The following CRACR2A variants were observed in gnomAD, a reference collection of about 807,000 sequenced individuals.
CRACR2A encodes the protein calcium release activated channel regulator 2A.
Under a neutral mutation model 90.5 loss-of-function variants are expected in CRACR2A, and 79 were observed. The observed-to-expected ratio is 0.87, with a 90% CI of 0.73 to 1.05. CRACR2A has a LOEUF of 1.05. Ranked by LOEUF, CRACR2A falls within the 50% of genes least tolerant of loss-of-function variation. The pLI is 0.00. For synonymous variants in CRACR2A, 338 were observed against 356.7 expected (o/e 0.95, Z 0.59); for missense variants, 823 against 897.2 (o/e 0.92, Z 1.06).
intron 1 of CRACR2A, among the ~76,000 whole-genome samples, chr12:3,751,271 C>T (rs566161173): frequency 6.6e-6 from 1 of 152,226 alleles, no homozygotes; most frequent in South Asian, 2.1e-4. Context: ...TTTCCCCTAC[C>T]CCCAAGCCTT....
At chr12:3,693,077 G>A (rs1037683370) in intron 4 of CRACR2A, among the ~76,000 whole-genome samples, 7 of 152,182 alleles carry the variant, frequency 4.6e-5, no homozygotes, top group Non-Finnish European at 8.8e-5. Flanking sequence ...TGGCAGAACA[G>A]GGTGCATGCA....
intron 4 of CRACR2A, among the ~76,000 whole-genome samples, chr12:3,689,634 G>A (rs1441317432): frequency 1.3e-5 from 2 of 152,158 alleles, no homozygotes; most frequent in East Asian, 3.8e-4. Context: ...GTTCATCAAG[G>A]ATATTGGCCT....
At chr12:3,736,469 G>C (rs928689431) in intron 1 of CRACR2A, among the ~76,000 whole-genome samples, 2 of 152,132 alleles carry the variant, frequency 1.3e-5, no homozygotes, top group Admixed American at 6.5e-5. Flanking sequence ...GGACATTGGA[G>C]TGGAGGCATT....
intron 3 of CRACR2A, among the ~76,000 whole-genome samples, chr12:3,701,218 A>G (rs1945829560): frequency 6.6e-6 from 1 of 152,114 alleles, no homozygotes; most frequent in African/African-American, 2.4e-5. Flanking sequence ...AGCAGTACTA[A>G]GGAAAAAATT....
chr12:3,650,087 T>C (rs1944767602), intron 10 of CRACR2A, among the ~76,000 whole-genome samples: 1 of 152,204 alleles, frequency 6.6e-6, no homozygotes. Context: ...GTTTCCAAAC[T>C]GCAGCACAGC....
intron 17 of CRACR2A, among the ~76,000 whole-genome samples, chr12:3,624,478 T>C (rs763753681): frequency 6.6e-6 from 1 of 152,242 alleles, no homozygotes; most frequent in African/African-American, 2.4e-5. Flanking sequence ...GACTTAGCTT[T>C]TCAAGAATCT....
At chr12:3,705,365 C>T (rs935445646) in intron 3 of CRACR2A, among the ~76,000 whole-genome samples, 2 of 152,164 alleles carry the variant, frequency 1.3e-5, no homozygotes, top group Admixed American at 6.5e-5. Context: ...TCAGAAAGTT[C>T]GTAGATCAAA....
chr12:3,680,140 A>G (rs1945417726), intron 5 of CRACR2A, 98 bp downstream of exon 5: 1 of 959,760 alleles, frequency 1.0e-6, no homozygotes, highest in East Asian at 2.6e-5. Context: ...GGAAAGCTTT[A>G]CTACCTGCCC....
At chr12:3,681,662 G>T (rs1945455891) in intron 4 of CRACR2A, among the ~76,000 whole-genome samples, 1 of 152,212 alleles carries the variant, frequency 6.6e-6, no homozygotes, top group Non-Finnish European at 1.5e-5. Context: ...GGAAGTGACT[G>T]ACAGCTGAAA....
chr12:3,633,065 A>G lies in CRACR2A; in HGVS notation c.1735+539T>C, dbSNP rs1014630851. Among the ~76,000 whole-genome samples, 4 of 152,200 alleles carry G rather than the reference A, an allele frequency of 2.6e-5. No homozygotes were observed. Among genetic ancestry groups the G allele is most frequent in the Admixed American group, 6.5e-5 (1 of 15,286 alleles). ...ATAGCTGAGCCTAATGAGCTTCCACATTTAAGTCCAGCTGTCGCCCAGCAG... is the reference window on the plus strand; with the variant it reads ...ATAGCTGAGCCTAATGAGCTTCCACGTTTAAGTCCAGCTGTCGCCCAGCAG... On this transcript the variant is annotated intron_variant, in intron 15 of 19. Coordinates refer to ENST00000440314, the MANE Select transcript of CRACR2A (RefSeq NM_001144958.2). This position sits in a 1 kb window ranked among gnomAD's most constrained non-coding sequence, Gnocchi z 4.5.
chr12:3,643,856 T>TATATATAAGTA (rs1478137267), intron 12 of CRACR2A, among the ~76,000 whole-genome samples: 1 of 67,354 alleles, frequency 1.5e-5, no homozygotes, highest in South Asian at 3.8e-4. Flanking sequence ...TATTATATAT[T>TATATATAAGTA]TATATTATAT....
Position 3,633,512 on chromosome 12 carries a change from T to C in CRACR2A, c.1735+92A>G. 1 of 1,504,930 alleles carries C rather than the reference T, an allele frequency of 6.6e-7. No homozygotes were observed. The highest frequency in any genetic ancestry group is 9.0e-7 in the Non-Finnish European group (1 of 1,114,084). The allele number at this position is 1,504,930 out of a possible 1,614,324, so 93.2% of individuals were successfully genotyped here. On this transcript the variant is annotated intron_variant, in intron 15 of 19. Coordinates refer to ENST00000440314, the MANE Select transcript of CRACR2A (RefSeq NM_001144958.2). This position sits in a 1 kb window ranked among gnomAD's most constrained non-coding sequence, Gnocchi z 4.5. The stretch of plus-strand genomic sequence containing the variant: ...TGGCCAATCCCCATGGCCCTTCCCA[T>C]GGGCTTCTAACGCTCCCTGCCCCGG...
At chr12:3,749,711 G>T (rs1364087329) in intron 1 of CRACR2A, among the ~76,000 whole-genome samples, 1 of 152,170 alleles carries the variant, frequency 6.6e-6, no homozygotes, top group African/African-American at 2.4e-5. Context: ...GAAAGGAAGC[G>T]ATTTGAAAAG....
chr12:3,712,882 A>G (rs1372601051), intron 3 of CRACR2A, among the ~76,000 whole-genome samples: 5 of 151,992 alleles, frequency 3.3e-5, no homozygotes, highest in Non-Finnish European at 7.4e-5. Flanking sequence ...GTGGCTGAGG[A>G]GCAGCTCTTT....
intron 15 of CRACR2A, among the ~76,000 whole-genome samples, chr12:3,631,308 C>G (rs1334540464): frequency 6.6e-6 from 1 of 152,148 alleles, no homozygotes; most frequent in African/African-American, 2.4e-5. Flanking sequence ...TTTTTCAGAG[C>G]CTACCATCTC....
At position 3,637,400 on chromosome 12, in the gene CRACR2A, G is replaced by A. The variant is rs889540820; in HGVS notation, c.1602+724C>T. Among the ~76,000 whole-genome samples, 4 of 152,132 alleles carry A rather than the reference G, an allele frequency of 2.6e-5. No individual in the cohort carries two copies. The South Asian group carries it at 6.2e-4, about 24-fold the overall frequency. On this transcript the variant is annotated intron_variant, in intron 14 of 19. Transcript: ENST00000440314. ...GAATCGGAAGAGAGAGCACAGGGTCGGGAAGGGGGCAAACAACGGTGGGAT... is the reference window on the plus strand; with the variant it reads ...GAATCGGAAGAGAGAGCACAGGGTCAGGAAGGGGGCAAACAACGGTGGGAT...
chr12:3,691,249 C>T (rs869277615), intron 4 of CRACR2A, among the ~76,000 whole-genome samples: 1 of 152,056 alleles, frequency 6.6e-6, no homozygotes, highest in Non-Finnish European at 1.5e-5. Context: ...CACTGGTCTG[C>T]GTACTTAAGT....
chr12:3,716,750 C>G (rs1946089287), intron 2 of CRACR2A, among the ~76,000 whole-genome samples: 1 of 152,128 alleles, frequency 6.6e-6, no homozygotes, highest in Admixed American at 6.5e-5. Flanking sequence ...AGCTTCTCTA[C>G]AAATTTGTTG....
intron 15 of CRACR2A, among the ~76,000 whole-genome samples, chr12:3,630,803 A>G (rs1944363929): frequency 6.6e-6 from 1 of 152,182 alleles, no homozygotes; most frequent in Non-Finnish European, 1.5e-5. Flanking sequence ...TGGGGCAGGC[A>G]GGACGCCCCA....
Sources: allele counts gnomAD v4.1 joint callset (sites outside exome capture counted in the v4.1 genomes callset), GRCh38; gene constraint gnomAD v4.1.1; non-coding constraint Gnocchi (gnomAD v3.1); transcripts MANE v1.5; gene names NCBI Gene and HGNC (gene_info 2026-07-23, HGNC 2026-07-21).